The following POLD3 variants were observed in gnomAD, a reference collection of about 807,000 sequenced individuals.
POLD3 encodes DNA polymerase delta subunit 3.
A neutral mutation model predicts 58.2 loss-of-function variants in POLD3; 19 were observed. The observed-to-expected ratio is 0.33, with a 90% confidence interval of 0.23 to 0.48. POLD3 has a LOEUF of 0.48. Among genes scored for constraint, POLD3 ranks in the 20% least tolerant of loss-of-function variants. The pLI is 0.99. For synonymous variants in POLD3, 172 were observed against 193.5 expected, an observed-to-expected ratio of 0.89 and a Z score of 0.92; for missense variants, 504 against 545.5, an observed-to-expected ratio of 0.92 and a Z score of 0.76.
At chr11:74,597,526 T>G (rs35778922) in intron 2 of POLD3, among the ~76,000 whole-genome samples, 19,067 of 152,218 alleles carry the variant, frequency 0.13, 1,956 homozygotes, top group African/African-American at 0.28. Context: ...AGTGGCGCAA[T>G]TTTGGCTCAC....
At chr11:74,635,230 G>A (rs2032713209) in intron 10 of POLD3, among the ~76,000 whole-genome samples, 2 of 152,130 alleles carry the variant, frequency 1.3e-5, no homozygotes, top group South Asian at 4.2e-4. Flanking sequence ...TTCCTTTGTG[G>A]CTGTTAGTTT....
intron 2 of POLD3, 73 bp downstream of exon 2, chr11:74,594,189 C>G (rs1228445584): frequency 3.7e-5 from 32 of 872,350 alleles, no homozygotes; most frequent in Non-Finnish European, 3.9e-6. Flanking sequence ...GCTTTTAACT[C>G]TACAGATAGC....
chr11:74,634,556 T>G, intron 9 of POLD3, 27 bp from the exon 10 acceptor site: 2 of 1,218,110 alleles, frequency 1.6e-6, no homozygotes, highest in Non-Finnish European at 2.4e-6. Flanking sequence ...TGTAGTTCTC[T>G]GATCTAAGTC....
intron 4 of POLD3, among the ~76,000 whole-genome samples, chr11:74,655,475 A>G (rs1410753624): frequency 2.6e-5 from 4 of 152,256 alleles, no homozygotes; most frequent in East Asian, 1.9e-4. Context: ...AAACAGGAAC[A>G]TGTAACACAT....
At chr11:74,604,878 A>G in intron 3 of POLD3, 84 bp downstream of exon 3, 3 of 746,306 alleles carry the variant, frequency 4.0e-6, no homozygotes, top group South Asian at 1.7e-5. Context: ...AGAGAAAAAA[A>G]TCAAGATTCT....
At chr11:74,665,317 C>T (rs1358546214) in intron 4 of POLD3, among the ~76,000 whole-genome samples, 1 of 79,432 alleles carries the variant, frequency 1.3e-5, no homozygotes, top group Non-Finnish European at 2.8e-5. Context: ...GAGCAAGACT[C>T]TGTCTCAAAA....
intron 4 of POLD3, among the ~76,000 whole-genome samples, chr11:74,660,693 C>T (rs1454118457): frequency 7.2e-5 from 11 of 151,996 alleles, no homozygotes; most frequent in Admixed American, 7.2e-4. Context: ...TGGGTAGCAC[C>T]TCCCCCTGTG....
Position 74,625,398 on chromosome 11 carries a change from T to G in POLD3, c.734-10T>G, listed in dbSNP as rs752696293. 1 of 1,595,870 alleles carries G rather than the reference T, an allele frequency of 6.3e-7. No homozygotes were observed. The highest frequency in any genetic ancestry group is 8.5e-7 in the Non-Finnish European group (1 of 1,170,122). On this transcript the variant is annotated splice_polypyrimidine_tract_variant and intron_variant, in intron 7 of 11. Transcript: ENST00000263681. Reference sequence around the variant, plus strand: ...GGGGTCATATGTCGTCTGCTATACTTTATTTATAGATAAATTTAAAGTCAA... The same window carrying G: ...GGGGTCATATGTCGTCTGCTATACTGTATTTATAGATAAATTTAAAGTCAA...
chr11:74,625,871 T>TTGTGTGTGTGTG (rs56365420), intron 8 of POLD3, among the ~76,000 whole-genome samples: 6,516 of 143,552 alleles, frequency 0.045, 162 homozygotes, highest in South Asian at 0.08. Context: ...GTGTGCCTAG[T>TTGTGTGTGTGTG]TGTGTGTGTG....
chr11:74,655,014 C>T (rs2033115394), intron 4 of POLD3, among the ~76,000 whole-genome samples: 1 of 152,188 alleles, frequency 6.6e-6, no homozygotes, highest in Non-Finnish European at 1.5e-5. Context: ...CCACATACAC[C>T]TGGTAGAACT....
At chr11:74,649,301 G>A (rs1180878690) in intron 4 of POLD3, among the ~76,000 whole-genome samples, 2 of 152,200 alleles carry the variant, frequency 1.3e-5, no homozygotes, top group Non-Finnish European at 2.9e-5. Context: ...TTTGTGAGGT[G>A]TAGGTATCAG....
intron 8 of POLD3, among the ~76,000 whole-genome samples, chr11:74,628,399 C>G (rs2032493492): frequency 6.6e-6 from 1 of 151,848 alleles, no homozygotes; most frequent in African/African-American, 2.4e-5. Flanking sequence ...TGTTCTTTTT[C>G]TAGTTCAAGG....
Position 74,641,471 on chromosome 11 carries a change from AATG to A in POLD3, c.*709_*711del. The stretch of plus-strand genomic sequence containing the variant: ...TCAGGCAGAACACAAATAGAAATTT[AATG>A]ATGTGTTCAACTCCACCAGAAATTA... On this transcript the variant is annotated 3_prime_UTR_variant, in exon 12 of 12. Transcript: ENST00000263681. The A allele has an allele frequency of 1.0e-6, 1 of 985,474 alleles. No individual in the cohort carries two copies. Among genetic ancestry groups the A allele is most frequent in the Non-Finnish European group, 1.2e-6 (1 of 829,944 alleles). The allele number at this position is 985,474 out of a possible 1,614,324, so 61.0% of individuals were successfully genotyped here. A position where few individuals can be genotyped will look rare whatever the true frequency, so the allele number is the denominator to read the frequency against.
At position 74,620,135 on chromosome 11, in the gene POLD3, G is replaced by A. The variant is rs769109197; in HGVS notation, c.733+46G>A. On this transcript the variant is annotated intron_variant, in intron 7 of 11. Transcript: ENST00000263681. ...CTTTGACTAACGAATGAATGTTAAT[G>A]TAATGACATATTATACCTGAAGTGA... 18 of 1,376,974 alleles carry A rather than the reference G, an allele frequency of 1.3e-5. No homozygotes were observed. The South Asian group carries it at 1.9e-4, about 14-fold the overall frequency. The allele number at this position is 1,376,974 out of a possible 1,614,324, so 85.3% of individuals were successfully genotyped here.
chr11:74,603,869 T>C (rs1239559251), intron 2 of POLD3, among the ~76,000 whole-genome samples: 1 of 149,452 alleles, frequency 6.7e-6, no homozygotes, highest in African/African-American at 2.6e-5. Context: ...ACATGTCTCT[T>C]TGTTGTTTTT....
intron 11 of POLD3, among the ~76,000 whole-genome samples, chr11:74,640,069 T>C (rs2032869371): frequency 6.6e-6 from 1 of 152,160 alleles, no homozygotes; most frequent in South Asian, 2.1e-4. Context: ...GGGTCCATGG[T>C]GACCTTGGTT....
In POLD3 at chr11:74,594,074, G is replaced by A; in HGVS notation, c.74G>A (p.Trp25Ter). 1.2e-6 allele frequency: 2 copies of A among 1,603,742 alleles called. No individual in the cohort carries two copies. The highest frequency in any genetic ancestry group is 1.7e-6 in the Non-Finnish European group (2 of 1,170,754). ...TTCTTGTTACAGGTGACATACAAAT[G>A]GCTGAGCTATACACTAGGGGTTCAT... ...TDQNKIVTYK[W>*]LSYTLGVHVN... The change falls in exon 2 of 12, where the codon TGG becomes TAG. Residue 25 changes from tryptophan to a stop codon, truncating the protein, a stop_gained. Coordinates refer to ENST00000263681, the MANE Select transcript of POLD3 (RefSeq NM_006591.3). LOFTEE classifies it high-confidence loss of function.
intron 4 of POLD3, among the ~76,000 whole-genome samples, chr11:74,654,945 C>G (rs1174190715): frequency 1.3e-5 from 2 of 152,212 alleles, no homozygotes; most frequent in Admixed American, 6.5e-5. Flanking sequence ...CTTCGATAAG[C>G]TGCCACATAT....
chr11:74,664,550 A>G (rs1179773421), intron 4 of POLD3, among the ~76,000 whole-genome samples: 5 of 152,194 alleles, frequency 3.3e-5, no homozygotes, highest in Admixed American at 3.3e-4. Flanking sequence ...CTATGAGGTC[A>G]GTATTACTCT....
Sources: gnomAD v4.1 joint callset for allele counts (sites outside exome capture counted in the v4.1 genomes callset) on GRCh38, gnomAD v4.1.1 for gene constraint, MANE v1.5 for transcripts, NCBI Gene and HGNC (gene_info 2026-07-23, HGNC 2026-07-21) for gene names.